FGD3: variants seen among roughly 807,000 people sequenced by gnomAD.
The protein encoded by FGD3 is FYVE, RhoGEF and PH domain-containing protein 3.
Under a neutral mutation model 71.8 loss-of-function variants are expected in FGD3, and 45 were observed. The observed-to-expected ratio is 0.63, with a 90% CI of 0.49 to 0.80. The LOEUF is 0.80. Ranked by LOEUF, FGD3 falls within the 30% of genes least tolerant of loss-of-function variation. FGD3 has a pLI of 0.00. For synonymous variants in FGD3, 378 were observed against 392.8 expected, an observed-to-expected ratio of 0.96 and a Z score of 0.44; for missense variants, 844 against 951.5, an observed-to-expected ratio of 0.89 and a Z score of 1.49.
chr9:93,007,277 GA>G (rs1384042820), intron 6 of FGD3, among the ~76,000 whole-genome samples: 1 of 150,988 alleles, frequency 6.6e-6, no homozygotes, highest in East Asian at 2.0e-4. Flanking sequence ...TTTTTTAGTA[GA>G]GACGGGGTTT....
At chr9:92,955,168 G>C (rs184030935) in intron 1 of FGD3, among the ~76,000 whole-genome samples, 1 of 152,146 alleles carries the variant, frequency 6.6e-6, no homozygotes, top group Non-Finnish European at 1.5e-5. Context: ...GGTTCCAGCC[G>C]GGCCAACTCT....
chr9:93,024,060 A>C (rs1197649213), intron 14 of FGD3, among the ~76,000 whole-genome samples: 1 of 152,028 alleles, frequency 6.6e-6, no homozygotes, highest in Non-Finnish European at 1.5e-5. Context: ...CTCAGCTGGG[A>C]TTACAGGCGT....
Position 93,014,011 on chromosome 9 carries a change from C to A in FGD3, c.1182+13C>A. ...CCACCTCTTCCTGGTGAGCCTGGCC[C>A]CTGCCAGCCCAGCCGCAGAGCCTCC... On this transcript the variant is annotated intron_variant, in intron 9 of 17. Transcript: ENST00000375482. 5.0e-6 allele frequency: 8 copies of A among 1,595,266 alleles called. No individual in the cohort carries two copies. The highest frequency in any genetic ancestry group is 6.8e-6 in the Non-Finnish European group (8 of 1,171,756).
chr9:92,966,940 A>G (rs1231524142), intron 1 of FGD3, among the ~76,000 whole-genome samples: 1 of 151,322 alleles, frequency 6.6e-6, no homozygotes, highest in Non-Finnish European at 1.5e-5. Context: ...AACCTAAAAC[A>G]TAGCACTTTC....
At chr9:93,011,367 G>C (rs889919724) in intron 8 of FGD3, 95 bp downstream of exon 8, 3 of 1,474,780 alleles carry the variant, frequency 2.0e-6, no homozygotes, top group East Asian at 4.5e-5. Flanking sequence ...GCTATCCTTT[G>C]GGGGGCTCCA....
rs1253498726 is a variant in FGD3, at chr9:93,035,751, G to A, written c.*162G>A. The A allele has an allele frequency of 1.5e-5, 17 of 1,121,982 alleles. No individual in the cohort carries two copies. Among genetic ancestry groups the A allele is most frequent in the Non-Finnish European group, 1.8e-5 (15 of 826,076 alleles). 69.5% of individuals were successfully genotyped at this position (1,121,982 alleles called of 1,614,324 possible). A position where few individuals can be genotyped will look rare whatever the true frequency, so the allele number is the denominator to read the frequency against. ...GGGGGGAAGGAAACTGAGGCCCAGA[G>A]AGGGGCAACCACTGGCCAAGGGTCA... On this transcript the variant is annotated 3_prime_UTR_variant, in exon 18 of 18. Transcript: ENST00000375482.
At chr9:93,022,276 G>T in intron 13 of FGD3, 51 bp from the exon 14 acceptor site, 1 of 1,571,418 alleles carries the variant, frequency 6.4e-7, no homozygotes, top group Non-Finnish European at 8.7e-7. Context: ...GCTGCACAGT[G>T]GCTGCGTGGC....
chr9:92,993,533 G>A (rs1033359886), intron 3 of FGD3, among the ~76,000 whole-genome samples: 3 of 152,036 alleles, frequency 2.0e-5, no homozygotes, highest in Admixed American at 6.6e-5. Context: ...TGTTACATAT[G>A]TATACATGTG....
chr9:93,008,888 C>T (rs762072346), intron 6 of FGD3, among the ~76,000 whole-genome samples: 22 of 150,258 alleles, frequency 1.5e-4, no homozygotes, highest in Non-Finnish European at 2.5e-4. Flanking sequence ...TTGCTTGAGC[C>T]GGGGAGGCGG....
At chr9:92,973,520 T>A (rs1859614485) in intron 1 of FGD3, among the ~76,000 whole-genome samples, 1 of 152,232 alleles carries the variant, frequency 6.6e-6, no homozygotes, top group Non-Finnish European at 1.5e-5. Flanking sequence ...TGTTCAAGGA[T>A]GCAGTTGGGT....
At chr9:92,962,146 G>A (rs1423458629) in intron 1 of FGD3, among the ~76,000 whole-genome samples, 1 of 152,196 alleles carries the variant, frequency 6.6e-6, no homozygotes, top group African/African-American at 2.4e-5. Context: ...CAGGACACTT[G>A]GCCTCAGTTC....
In FGD3 at chr9:93,015,797, G is replaced by T; in HGVS notation, c.1243G>T (p.Val415Phe). ...GCGGCTCATGGGCCAGAAGTTCAGC[G>T]TCCGGGAGAAGATGGACATCTCAGG... ...KLRLMGQKFS[V>F]REKMDISGLQ... The change falls in exon 10 of 18, where the codon GTC (valine) becomes TTC (phenylalanine). Residue 415 changes from valine (V) to phenylalanine (F), a missense_variant. Physicochemically the swap from Val to Phe is conservative, Grantham distance 50 (BLOSUM62 -1). Transcript: ENST00000375482. The T allele has an allele frequency of 6.2e-7, 1 of 1,614,128 alleles. No homozygotes were observed. Among genetic ancestry groups the T allele is most frequent in the Non-Finnish European group, 8.5e-7 (1 of 1,180,004 alleles).
intron 10 of FGD3, 70 bp downstream of exon 10, chr9:93,015,899 C>T (rs1861662343): frequency 1.2e-5 from 17 of 1,403,112 alleles, no homozygotes; most frequent in Admixed American, 1.7e-5. Flanking sequence ...GGACACCAGG[C>T]TCTGGCCGCT....
intron 1 of FGD3, among the ~76,000 whole-genome samples, chr9:92,957,783 G>C (rs868099332): frequency 9.4e-5 from 14 of 148,538 alleles, no homozygotes; most frequent in African/African-American, 3.5e-4. Context: ...CCAGGTTCAA[G>C]TGATTCTCCT....
In FGD3 at chr9:92,957,677, CTT is replaced by C. The variant is rs60726578; in HGVS notation, c.-218+9966_-218+9967del. Among the ~76,000 whole-genome samples the C allele has an allele frequency of 9.9e-3, 1,014 of 102,200 alleles. 9 individuals carry two copies. Among genetic ancestry groups the C allele is most frequent in the Middle Eastern group, 0.034 (6 of 174 alleles). 67.0% of individuals were successfully genotyped at this position (102,200 alleles called of 152,430 possible). On this transcript the variant is annotated intron_variant, in intron 1 of 17. Transcript: ENST00000375482. ...TGATTTGTCTTTGAAATTTTCTTTT[CTT>C]TTTTTTTTTTTTTTTTTGAGACAGA...
Position 93,023,795 on chromosome 9 carries a change from C to CTT in FGD3, c.1557+1431_1557+1432dup, listed in dbSNP as rs569058583. Among the ~76,000 whole-genome samples the CTT allele has an allele frequency of 1.8e-4, 19 of 107,686 alleles. 1 individual carries two copies. Among genetic ancestry groups the CTT allele is most frequent in the East Asian group, 5.8e-4 (2 of 3,474 alleles). The allele number at this position is 107,686 out of a possible 152,430, so 70.6% of individuals were successfully genotyped here. A position where few individuals can be genotyped will look rare whatever the true frequency, so the allele number is the denominator to read the frequency against. The stretch of plus-strand genomic sequence containing the variant: ...ATGACAGGAACCCGCCCATCAGCAA[C>CTT]TTTTTTTTTTTTTTTTTTTTTTTTT... On this transcript the variant is annotated intron_variant, in intron 14 of 17. Coordinates refer to ENST00000375482, the MANE Select transcript of FGD3 (RefSeq NM_001083536.2).
At chr9:92,953,620 A>G (rs1858997837) in intron 1 of FGD3, among the ~76,000 whole-genome samples, 1 of 152,196 alleles carries the variant, frequency 6.6e-6, no homozygotes, top group South Asian at 2.1e-4. Context: ...GAAGGGGCTC[A>G]CACAATGTCA....
chr9:93,021,689 T>TTCTGCCCTCCCTACCACCTCCAGGGG (rs1241691094), intron 13 of FGD3, among the ~76,000 whole-genome samples: 2 of 152,168 alleles, frequency 1.3e-5, no homozygotes, highest in East Asian at 3.9e-4. Context: ...TCCAGGCTGG[T>TTCTGCCCTCCCTACCACCTCCAGGGG]TCTGCCCTCC....
intron 3 of FGD3, among the ~76,000 whole-genome samples, chr9:92,986,439 T>C (rs1047683712): frequency 6.6e-6 from 1 of 152,128 alleles, no homozygotes; most frequent in Non-Finnish European, 1.5e-5. Context: ...ATTAGAGAAA[T>C]GGAGGCTACA....
Sources: gnomAD v4.1 joint callset for allele counts (sites outside exome capture counted in the v4.1 genomes callset) on GRCh38, gnomAD v4.1.1 for gene constraint, MANE v1.5 for transcripts, NCBI Gene and HGNC (gene_info 2026-07-23, HGNC 2026-07-21) for gene names.